PLCB2: variants seen among roughly 807,000 people sequenced by gnomAD.
PLCB2 encodes the protein 1-phosphatidylinositol 4,5-bisphosphate phosphodiesterase beta-2.
A neutral mutation model predicts 141.7 loss-of-function variants in PLCB2; 115 were observed. The ratio of observed to expected loss-of-function variants is 0.81; its 90% CI spans 0.70 to 0.95. The LOEUF is 0.95. Among genes scored for constraint, PLCB2 ranks in the 40% least tolerant of loss-of-function variants. The pLI is 0.00. For missense variants in PLCB2, 1,403 were observed against 1,541.1 expected (o/e 0.91, Z 1.50); for synonymous variants, 603 against 595.6 (o/e 1.01, Z -0.18).
Position 40,294,938 on chromosome 15 carries a change from A to C in PLCB2, c.1904T>G (p.Met635Arg), listed in dbSNP as rs373270868. 6.2e-7 allele frequency: 1 copy of C among 1,614,026 alleles called. No homozygotes were observed. Among genetic ancestry groups the C allele is most frequent in the African/African-American group, 1.3e-5 (1 of 75,038 alleles). Residue 635 changes from methionine to arginine, a missense_variant and splice_region_variant, in exon 18 of 32, where the codon ATG (methionine) becomes AGG (arginine). Met to Arg is a moderately conservative substitution (Grantham distance 91). This residue lies in a region of PLCB2 where 975 missense variants were observed against 1,141.1 expected (regional missense o/e 0.85). Coordinates refer to ENST00000260402, the MANE Select transcript of PLCB2 (RefSeq NM_004573.3). ...CQMVALNFQTMDLPMQQNMAV... is the reference protein window; with the variant it reads ...CQMVALNFQTRDLPMQQNMAV... ...TAGGGGCCTGGGAATGCCCTCACCCATCGTCTGGAAGTTGAGGGCAACCAT... is the reference window on the plus strand; with the variant it reads ...TAGGGGCCTGGGAATGCCCTCACCCCTCGTCTGGAAGTTGAGGGCAACCAT...
chr15:40,288,997 G>A lies in PLCB2; in HGVS notation c.3355-79C>T, dbSNP rs966174473. 3.2e-6 allele frequency: 5 copies of A among 1,553,160 alleles called. No homozygotes were observed. The Admixed American group carries it at 7.5e-5, about 23-fold the overall frequency. On this transcript the variant is annotated intron_variant, in intron 31 of 31. Coordinates refer to ENST00000260402, the MANE Select transcript of PLCB2 (RefSeq NM_004573.3). ...CTCGCTCCCTGGACAGTGGGAACAG[G>A]AGATGCCCAATATCCATGTTCGGAG...
At position 40,298,569 on chromosome 15, in the gene PLCB2, G is replaced by A. The variant is rs1172218392; in HGVS notation, c.990C>T (p.Tyr330=). The change falls in exon 10 of 32, where the codon TAC becomes TAT. Residue 330 remains tyrosine (Y), a synonymous_variant. Coordinates refer to ENST00000260402, the MANE Select transcript of PLCB2 (RefSeq NM_004573.3). ...HYFINSSHNT[Y]LTAGQFSGLS... ...AATGTTATCAGGGCCCACCTGTCAG[G>A]TAGGTGTTGTGGGACGAGTTGATGA... 1.2e-6 allele frequency: 2 copies of A among 1,614,248 alleles called. No individual in the cohort carries two copies. The highest frequency in any genetic ancestry group is 1.7e-5 in the Admixed American group (1 of 60,034).
chr15:40,304,644 G>C (rs577863174), intron 1 of PLCB2, among the ~76,000 whole-genome samples: 6 of 152,076 alleles, frequency 3.9e-5, no homozygotes, highest in Non-Finnish European at 8.8e-5. Flanking sequence ...TACAGTAACC[G>C]GGGGGATGTG....
rs1300805897 is a variant in PLCB2 at position 40,302,558 on chromosome 15, G to A, written c.283C>T (p.Leu95=). ...FNMDFPDNSF[L]LKTLTVVSGP... is the part of the protein sequence containing the mutation. ...GACACCACCGTGAGTGTCTTCAGCA[G>A]GAAACTGTTATCAGGAAAGTCCATG... is the stretch of plus-strand genomic sequence containing the variant. Residue 95 remains leucine (L), a synonymous_variant, in exon 4 of 32, where the codon CTG becomes TTG. Coordinates refer to ENST00000260402, the MANE Select transcript of PLCB2 (RefSeq NM_004573.3). 1 of 1,614,114 alleles carries A rather than the reference G, an allele frequency of 6.2e-7. No individual in the cohort carries two copies. The highest frequency in any genetic ancestry group is 8.5e-7 in the Non-Finnish European group (1 of 1,180,042).
intron 30 of PLCB2, 22 bp from the exon 31 acceptor site, chr15:40,289,380 A>C (rs777344963): frequency 6.3e-7 from 1 of 1,583,470 alleles, no homozygotes; most frequent in South Asian, 1.1e-5. Context: ...TGGATGGCAG[A>C]GAATCAGGAC....
Position 40,296,760 on chromosome 15 carries a change from G to T in PLCB2, c.1472C>A (p.Ala491Glu). ...AEGSSPPSAP[A>E]GEGTVWAGEE... ...CCCCGACTCACCTGTGCCCTCACCT[G>T]CAGGGGCACTGGGTGGGCTGCTGCC... The change falls in exon 14 of 32, where the codon GCA (alanine) becomes GAA (glutamate). Residue 491 changes from alanine to glutamate, a missense_variant. Transcript: ENST00000260402. 2 of 1,613,462 alleles carry T rather than the reference G, an allele frequency of 1.2e-6. No homozygotes were observed. Among genetic ancestry groups the T allele is most frequent in the Non-Finnish European group, 1.7e-6 (2 of 1,179,632 alleles).
chr15:40,303,362 G>A lies in PLCB2; in HGVS notation c.163-6C>T. 2 of 1,610,876 alleles carry A rather than the reference G, an allele frequency of 1.2e-6. No homozygotes were observed. Among genetic ancestry groups the A allele is most frequent in the Non-Finnish European group, 1.7e-6 (2 of 1,177,086 alleles). Reference sequence around the variant, plus strand: ...ATATCCAGAAACTCCATCTCCTGGGGGCAGGGTGCGGATCCCGGTGGGAGC... The same window carrying A: ...ATATCCAGAAACTCCATCTCCTGGGAGCAGGGTGCGGATCCCGGTGGGAGC... On this transcript the variant is annotated splice_region_variant and splice_polypyrimidine_tract_variant and intron_variant, in intron 2 of 31. Transcript: ENST00000260402.
At chr15:40,306,277 G>C (rs1302388095) in intron 1 of PLCB2, among the ~76,000 whole-genome samples, 1 of 152,164 alleles carries the variant, frequency 6.6e-6, no homozygotes, top group Non-Finnish European at 1.5e-5. Flanking sequence ...GGATAGGCTT[G>C]GGACATTCTT....
rs764724083 is a variant in PLCB2 at position 40,289,308 on chromosome 15, C to T, written c.3318G>A (p.Ala1106=). The T allele has an allele frequency of 2.5e-6, 4 of 1,613,992 alleles. No homozygotes were observed. Among genetic ancestry groups the T allele is most frequent in the East Asian group, 2.2e-5 (1 of 44,890 alleles). The change falls in exon 31 of 32, where the codon GCG becomes GCA. Residue 1106 remains alanine, a synonymous_variant. Coordinates refer to ENST00000260402, the MANE Select transcript of PLCB2 (RefSeq NM_004573.3). ...TCTCCCGTATCTGTTCCAGGCAAGC[C>T]GCCTGCTTCTCCTCCAGCTTCTCCT... is the stretch of plus-strand genomic sequence containing the variant. ...RHQEKLEEKQ[A]ACLEQIREME...
At position 40,307,507 on chromosome 15, in the gene PLCB2, T is replaced by C. The variant is rs568233346; in HGVS notation, c.84+82A>G. On this transcript the variant is annotated intron_variant, in intron 1 of 31. Coordinates refer to ENST00000260402, the MANE Select transcript of PLCB2 (RefSeq NM_004573.3). ...CTGGATCCTAGGAGACATAAACCAATCCTCCCACCCAAGCAAAGCCCCGTA... is the reference window on the plus strand; with the variant it reads ...CTGGATCCTAGGAGACATAAACCAACCCTCCCACCCAAGCAAAGCCCCGTA... 1.4e-4 allele frequency: 118 copies of C among 844,010 alleles called. 1 individual carries two copies. The African/African-American group carries it at 2.0e-3, about 14-fold the overall frequency. The allele number at this position is 844,010 out of a possible 1,614,324, so 52.3% of individuals were successfully genotyped here. A position where few individuals can be genotyped will look rare whatever the true frequency, so the allele number is the denominator to read the frequency against.
intron 24 of PLCB2, 63 bp from the exon 25 acceptor site, chr15:40,291,713 C>T: frequency 6.2e-7 from 1 of 1,605,750 alleles, no homozygotes; most frequent in Non-Finnish European, 8.5e-7. Context: ...CGTTCGCCTC[C>T]TCCACACCGC....
In PLCB2 at chr15:40,304,090, A is replaced by G. The variant is rs2040671442; in HGVS notation, c.85-12T>C. The stretch of plus-strand genomic sequence containing the variant: ...GCAACTGTAGTTTCCTGCAGAGAGA[A>G]GGAGCCAGCACTCTGTTCCAAGACC... On this transcript the variant is annotated splice_polypyrimidine_tract_variant and intron_variant, in intron 1 of 31. Transcript: ENST00000260402. The G allele has an allele frequency of 1.3e-6, 2 of 1,577,122 alleles. No homozygotes were observed. Among genetic ancestry groups the G allele is most frequent in the Non-Finnish European group, 1.7e-6 (2 of 1,158,074 alleles).
chr15:40,298,097 C>A, intron 11 of PLCB2, 126 bp downstream of exon 11: 1 of 1,212,630 alleles, frequency 8.2e-7, no homozygotes, highest in South Asian at 1.4e-5. Flanking sequence ...CCCTGCTGGT[C>A]CCCAATGGTC....
downstream of PLCB2, chr15:40,284,456 G>A: frequency 2.2e-6 from 1 of 455,520 alleles, no homozygotes; most frequent in East Asian, 7.0e-5. Flanking sequence ...GTCCTTGGAT[G>A]AAAAGATGGA....
At chr15:40,306,710 AG>A (rs2040814662) in intron 1 of PLCB2, among the ~76,000 whole-genome samples, 1 of 152,168 alleles carries the variant, frequency 6.6e-6, no homozygotes, top group Non-Finnish European at 1.5e-5. Flanking sequence ...CAGGTGGACA[AG>A]TCAGCACTAA....
intron 1 of PLCB2, among the ~76,000 whole-genome samples, chr15:40,306,392 G>A (rs908674614): frequency 6.6e-6 from 1 of 152,094 alleles, no homozygotes; most frequent in Non-Finnish European, 1.5e-5. Context: ...GACAGTCTCC[G>A]CTGGCCACCA....
chr15:40,289,306 G>GC lies in PLCB2; in HGVS notation c.3319dup (p.Ala1107GlyfsTer53), dbSNP rs773772101. On this transcript the variant is annotated frameshift_variant, in exon 31 of 32. Coordinates refer to ENST00000260402, the MANE Select transcript of PLCB2 (RefSeq NM_004573.3). LOFTEE classifies it low-confidence loss of function (END_TRUNC). ...CATCTCCCGTATCTGTTCCAGGCAAGCCGCCTGCTTCTCCTCCAGCTTCTC... is the reference window on the plus strand; with the variant it reads ...CATCTCCCGTATCTGTTCCAGGCAAGCCCGCCTGCTTCTCCTCCAGCTTCTC... 6.2e-7 allele frequency: 1 copy of GC among 1,614,074 alleles called. No homozygotes were observed. Among genetic ancestry groups the GC allele is most frequent in the South Asian group, 1.1e-5 (1 of 91,080 alleles).
At position 40,291,351 on chromosome 15, in the gene PLCB2, C is replaced by T. The variant is rs571777565; in HGVS notation, c.2784G>A (p.Ala928=). The T allele has an allele frequency of 8.0e-5, 122 of 1,525,144 alleles. 1 individual carries two copies. In the South Asian group the frequency reaches 1.4e-3, roughly 18 times the overall value. 94.5% of individuals were successfully genotyped at this position (1,525,144 alleles called of 1,614,324 possible). Reference sequence around the variant, plus strand: ...GTGGCCCGAGCTCCGCCAGCTGCGCCGCGCCCCGCTGCAGCAGCTCCTCCC... The same window carrying T: ...GTGGCCCGAGCTCCGCCAGCTGCGCTGCGCCCCGCTGCAGCAGCTCCTCCC... ...RRWEELLQRG[A]AQLAELGPPG... Residue 928 remains alanine, a synonymous_variant, in exon 26 of 32, where the codon GCG becomes GCA. Transcript: ENST00000260402.
chr15:40,293,068 G>T, intron 20 of PLCB2, 43 bp from the exon 21 acceptor site: 1 of 1,243,662 alleles, frequency 8.0e-7, no homozygotes, highest in Non-Finnish European at 1.1e-6. Context: ...GGGGAGAGAG[G>T]AGCCAAGCTG....
Sources: gnomAD v4.1 joint callset for allele counts (sites outside exome capture counted in the v4.1 genomes callset) on GRCh38, gnomAD v4.1.1 for gene constraint, gnomAD v4.1.1 regional missense constraint, MANE v1.5 for transcripts, NCBI Gene and HGNC (gene_info 2026-07-23, HGNC 2026-07-21) for gene names.